The following DPP10 variants were observed in gnomAD, a reference collection of about 807,000 sequenced individuals.
DPP10 encodes the protein dipeptidyl peptidase like 10.
In DPP10, 33 loss-of-function variants were observed where a neutral mutation model predicts 120.9. The ratio of observed to expected loss-of-function variants is 0.27; its 90% CI spans 0.21 to 0.37. DPP10 has a LOEUF of 0.37. Ranked by LOEUF, DPP10 falls within the 10% of genes least tolerant of loss-of-function variation. The pLI is 1.00. For missense variants in DPP10, 816 were observed against 942.8 expected, an observed-to-expected ratio of 0.87 and a Z score of 1.76; for synonymous variants, 337 against 326.1, an observed-to-expected ratio of 1.03 and a Z score of -0.36.
intron 3 of DPP10, among the ~76,000 whole-genome samples, chr2:115,448,173 G>A (rs898626553): frequency 6.6e-6 from 1 of 152,074 alleles, no homozygotes; most frequent in African/African-American, 2.4e-5. Flanking sequence ...AATGAGATGT[G>A]GCATACTTGA....
intron 3 of DPP10, among the ~76,000 whole-genome samples, chr2:115,443,552 G>A (rs937206274): frequency 4.6e-5 from 7 of 152,136 alleles, no homozygotes; most frequent in African/African-American, 1.7e-4. Flanking sequence ...ATTATAGATA[G>A]GATATACTGT....
chr2:114,791,180 G>A (rs551642936), intron 1 of DPP10, among the ~76,000 whole-genome samples: 1 of 152,132 alleles, frequency 6.6e-6, no homozygotes, highest in East Asian at 1.9e-4. Context: ...CCCTTTCTGG[G>A]ACTTAATTTC....
chr2:115,805,679 A>G (rs1173073841), intron 19 of DPP10, among the ~76,000 whole-genome samples: 1 of 149,836 alleles, frequency 6.7e-6, no homozygotes, highest in Admixed American at 6.7e-5. Flanking sequence ...GGTTCAAGCT[A>G]TTCTCCTGCT....
chr2:114,782,137 C>T (rs115624879), intron 1 of DPP10, among the ~76,000 whole-genome samples: 3,162 of 151,888 alleles, frequency 0.021, 70 homozygotes, highest in Non-Finnish European at 0.028. Context: ...TACAGTTGTG[C>T]GTGTGTGTGC....
In DPP10 at chr2:115,237,782, TA is replaced by T. The variant is rs1349858752; in HGVS notation, c.61-71455del. 4.6e-5 allele frequency among the ~76,000 whole-genome samples: 7 copies of T among 152,210 alleles called. No homozygotes were observed. The East Asian group carries it at 1.3e-3, about 29-fold the overall frequency. On this transcript the variant is annotated intron_variant, in intron 1 of 25. Coordinates refer to ENST00000410059, the MANE Select transcript of DPP10 (RefSeq NM_020868.6). ...CACAACATTCCCTTGAGCCAAAGCC[TA>T]ATTCCAGAGCAAGGCCGTAACTCCC...
intron 5 of DPP10, among the ~76,000 whole-genome samples, chr2:115,537,846 C>T (rs912967592): frequency 1.3e-5 from 2 of 151,898 alleles, no homozygotes; most frequent in African/African-American, 4.8e-5. Flanking sequence ...ATCTGAAGGC[C>T]TGGCTGAGCT....
chr2:114,998,834 G>A (rs1464072487), intron 1 of DPP10, among the ~76,000 whole-genome samples: 3 of 152,128 alleles, frequency 2.0e-5, no homozygotes, highest in Non-Finnish European at 2.9e-5. Context: ...CTCAGAACTA[G>A]CAGCAGGAAT....
intron 5 of DPP10, among the ~76,000 whole-genome samples, chr2:115,532,203 G>A (rs2078511807): frequency 6.6e-6 from 1 of 152,006 alleles, no homozygotes; most frequent in Non-Finnish European, 1.5e-5. Context: ...CATCTGCCGT[G>A]GAAGTGTGTT....
intron 1 of DPP10, among the ~76,000 whole-genome samples, chr2:115,181,311 C>A: frequency 6.6e-6 from 1 of 152,172 alleles, no homozygotes; most frequent in East Asian, 1.9e-4. Context: ...ATATCACTCC[C>A]TTATTCGGTG....
chr2:114,534,020 A>G (rs1686272345), intron 1 of DPP10, among the ~76,000 whole-genome samples: 1 of 152,206 alleles, frequency 6.6e-6, no homozygotes, highest in Admixed American at 6.5e-5. Flanking sequence ...TTATTTGGAT[A>G]TGGGATGTTC....
At chr2:114,762,321 CT>C (rs961902964) in intron 1 of DPP10, among the ~76,000 whole-genome samples, 1 of 152,156 alleles carries the variant, frequency 6.6e-6, no homozygotes, top group African/African-American at 2.4e-5. Flanking sequence ...CCTATCTAAC[CT>C]CTAAAAGAGT....
rs535405263 is a variant in DPP10, at chr2:114,870,226, A to T, written c.60+427388A>T. 3.3e-5 allele frequency among the ~76,000 whole-genome samples: 5 copies of T among 152,280 alleles called. No individual in the cohort carries two copies. The South Asian group carries it at 1.0e-3, about 32-fold the overall frequency. On this transcript the variant is annotated intron_variant, in intron 1 of 25. Coordinates refer to ENST00000410059, the MANE Select transcript of DPP10 (RefSeq NM_020868.6). ...CTTATTGAGTTTGTGACCTTGGACA[A>T]ACTTCTCAAAACCTTGATTTTCTTT...
chr2:114,986,008 A>G (rs1025892957), intron 1 of DPP10, among the ~76,000 whole-genome samples: 6 of 152,240 alleles, frequency 3.9e-5, no homozygotes, highest in Non-Finnish European at 4.4e-5. Flanking sequence ...CTAAAGATAT[A>G]CTTTGTGATG....
rs1690318228 is a variant in DPP10, at chr2:115,843,193, T to C, written c.*848T>C. 6.6e-6 allele frequency: 1 copy of C among 152,608 alleles called. No homozygotes were observed. Among genetic ancestry groups the C allele is most frequent in the Non-Finnish European group, 1.5e-5 (1 of 68,022 alleles). 9.5% of individuals were successfully genotyped at this position (152,608 alleles called of 1,614,324 possible). ...TATTGCTTTCCTATAAATGTTTGGG[T>C]TGTGTTTGGTATTGTTTTTAGTGGT... is the stretch of plus-strand genomic sequence containing the variant. On this transcript the variant is annotated 3_prime_UTR_variant, in exon 26 of 26. Coordinates refer to ENST00000410059, the MANE Select transcript of DPP10 (RefSeq NM_020868.6).
intron 3 of DPP10, among the ~76,000 whole-genome samples, chr2:115,431,106 C>A (rs780272757): frequency 3.3e-5 from 5 of 152,158 alleles, no homozygotes; most frequent in Non-Finnish European, 7.4e-5. Context: ...CATGACAGTG[C>A]CCTGTGATTC....
chr2:114,864,985 A>G (rs1258151055), intron 1 of DPP10, among the ~76,000 whole-genome samples: 1 of 152,208 alleles, frequency 6.6e-6, no homozygotes, highest in Non-Finnish European at 1.5e-5. Flanking sequence ...ATTCTAGCAA[A>G]TAGTAAAATC....
At chr2:114,462,292 T>C (rs772207596) in intron 1 of DPP10, among the ~76,000 whole-genome samples, 3 of 152,210 alleles carry the variant, frequency 2.0e-5, no homozygotes, top group Non-Finnish European at 4.4e-5. Context: ...GGAATAAACG[T>C]TGTGGCACAT....
chr2:115,529,928 T>C (rs966016253), intron 5 of DPP10, among the ~76,000 whole-genome samples: 2 of 152,250 alleles, frequency 1.3e-5, no homozygotes, highest in East Asian at 3.9e-4. Context: ...TTTATGTTTT[T>C]AAAATGTGGA....
intron 4 of DPP10, among the ~76,000 whole-genome samples, chr2:115,517,499 A>G (rs1231573073): frequency 6.6e-6 from 1 of 151,928 alleles, no homozygotes; most frequent in Non-Finnish European, 1.5e-5. Flanking sequence ...TCCCTTTATC[A>G]CTCAGCATTT....
Sources: allele counts gnomAD v4.1 joint callset (sites outside exome capture counted in the v4.1 genomes callset), GRCh38; gene constraint gnomAD v4.1.1; transcripts MANE v1.5; gene names NCBI Gene and HGNC (gene_info 2026-07-23, HGNC 2026-07-21).